ASAP2: variants seen among roughly 807,000 people sequenced by gnomAD.
ASAP2 encodes ArfGAP with SH3 domain, ankyrin repeat and PH domain 2, also known as arf-GAP with SH3 domain, ANK repeat and PH domain-containing protein 2.
Under a neutral mutation model 131.4 loss-of-function variants are expected in ASAP2, and 45 were observed. That is an observed-to-expected ratio of 0.34 (90% CI 0.27 to 0.44). The LOEUF (loss-of-function observed/expected upper bound fraction) is 0.44. ASAP2 is among the 20% of genes least tolerant of loss of function. The pLI is 1.00. For missense variants in ASAP2, 1,011 were observed against 1,297.0 expected (o/e 0.78, Z 3.39); for synonymous variants, 510 against 503.0 (o/e 1.01, Z -0.19).
intron 16 of ASAP2, among the ~76,000 whole-genome samples, chr2:9,369,468 C>T (rs113681351): frequency 1.3e-3 from 202 of 152,248 alleles, no homozygotes; most frequent in Non-Finnish European, 2.2e-3. Flanking sequence ...GTGTCCGGCT[C>T]GCCTTAGACT....
At chr2:9,395,610 T>C (rs1372409186) in intron 24 of ASAP2, among the ~76,000 whole-genome samples, 14 of 103,302 alleles carry the variant, frequency 1.4e-4, no homozygotes, top group Middle Eastern at 4.3e-3. Context: ...TTTTTTTTTT[T>C]TTTTTTTTTT....
At chr2:9,335,045 C>T in intron 8 of ASAP2, 48 bp from the exon 9 acceptor site, 1 of 1,576,374 alleles carries the variant, frequency 6.3e-7, no homozygotes. Flanking sequence ...CACTGTACCT[C>T]AGTCTTAATT....
intron 1 of ASAP2, among the ~76,000 whole-genome samples, chr2:9,239,360 T>C (rs2148065536): frequency 6.6e-6 from 1 of 152,344 alleles, no homozygotes; most frequent in African/African-American, 2.4e-5. Context: ...AGCTAGGCTG[T>C]GTAGTCACTC....
intron 14 of ASAP2, 100 bp downstream of exon 14, chr2:9,356,445 G>A (rs1672709348): frequency 3.0e-6 from 4 of 1,318,816 alleles, no homozygotes; most frequent in South Asian, 3.1e-5. Context: ...TTTCAAACAC[G>A]AAATTAAGTG....
At chr2:9,394,159 CTTTTT>C (rs71389241) in intron 24 of ASAP2, among the ~76,000 whole-genome samples, 1 of 81,738 alleles carries the variant, frequency 1.2e-5, no homozygotes, top group Non-Finnish European at 2.3e-5. Context: ...TAGTTTGTGG[CTTTTT>C]TTTTTTTTTT....
rs776960593 is a variant in ASAP2 at position 9,388,461 on chromosome 2, C to T, written c.2298C>T (p.Leu766=). 9.3e-6 allele frequency: 15 copies of T among 1,614,148 alleles called. No homozygotes were observed. The highest frequency in any genetic ancestry group is 1.3e-5 in the Non-Finnish European group (15 of 1,180,022). Reference sequence around the variant, plus strand: ...TGCAGAATGAGACTTACGGAGCCCTCCTGAGTGGCAGCCCACCTCCCGCCC... The same window carrying T: ...TGCAGAATGAGACTTACGGAGCCCTTCTGAGTGGCAGCCCACCTCCCGCCC... The part of the protein sequence containing the change: ...SILQNETYGA[L]LSGSPPPAQP... Residue 766 remains leucine, a synonymous_variant, in exon 22 of 28, where the codon CTC becomes CTT. Coordinates refer to ENST00000281419, the MANE Select transcript of ASAP2 (RefSeq NM_003887.3).
chr2:9,328,346 G>T (rs1670608848), intron 7 of ASAP2, among the ~76,000 whole-genome samples: 1 of 151,808 alleles, frequency 6.6e-6, no homozygotes, highest in African/African-American at 2.4e-5. Context: ...TATGGCTTAG[G>T]GATTATATCT....
intron 9 of ASAP2, 79 bp from the exon 10 acceptor site, chr2:9,344,453 A>C: frequency 5.8e-6 from 7 of 1,215,560 alleles, no homozygotes; most frequent in Non-Finnish European, 7.1e-6. Context: ...CACATTAGGC[A>C]TAAGTTTCCT....
At chr2:9,325,186 CAT>C (rs964556641) in intron 6 of ASAP2, among the ~76,000 whole-genome samples, 2 of 152,094 alleles carry the variant, frequency 1.3e-5, no homozygotes, top group Non-Finnish European at 2.9e-5. Context: ...AAACACATAT[CAT>C]GTGTAGTGTA....
intron 8 of ASAP2, 67 bp from the exon 9 acceptor site, chr2:9,335,026 C>T: frequency 1.3e-6 from 2 of 1,525,602 alleles, no homozygotes; most frequent in Non-Finnish European, 1.8e-6. Context: ...CCCATGAGCA[C>T]CAACGTTTCA....
intron 26 of ASAP2, among the ~76,000 whole-genome samples, 186 bp downstream of exon 26, chr2:9,401,016 A>G (rs1393980363): frequency 6.6e-6 from 1 of 151,942 alleles, no homozygotes; most frequent in East Asian, 1.9e-4. Flanking sequence ...GCAGCTCCAC[A>G]ATGGGCCCAC....
At chr2:9,278,143 T>C (rs1046156624) in intron 1 of ASAP2, among the ~76,000 whole-genome samples, 5 of 152,170 alleles carry the variant, frequency 3.3e-5, no homozygotes, top group African/African-American at 1.2e-4. Context: ...TCATTTAGTT[T>C]TCATAGGATA....
chr2:9,223,573 G>A (rs1423390057), intron 1 of ASAP2, among the ~76,000 whole-genome samples: 5 of 152,160 alleles, frequency 3.3e-5, no homozygotes, highest in Non-Finnish European at 5.9e-5. Flanking sequence ...AAAGGAAAAT[G>A]TACTATTAGC....
chr2:9,360,468 TG>T (rs1673005505), intron 15 of ASAP2, among the ~76,000 whole-genome samples: 1 of 152,176 alleles, frequency 6.6e-6, no homozygotes, highest in Non-Finnish European at 1.5e-5. Flanking sequence ...GGCATTTTAG[TG>T]GGTTGTCTTG....
chr2:9,381,307 C>T (rs920849419), intron 20 of ASAP2, among the ~76,000 whole-genome samples: 1 of 152,228 alleles, frequency 6.6e-6, no homozygotes, highest in Non-Finnish European at 1.5e-5. Flanking sequence ...CGGGGGCTCC[C>T]CAGCTTGGCT....
intron 20 of ASAP2, among the ~76,000 whole-genome samples, chr2:9,381,130 C>T (rs1336730527): frequency 2.0e-5 from 3 of 152,206 alleles, no homozygotes; most frequent in Admixed American, 6.5e-5. Flanking sequence ...CTCTGGCCTC[C>T]GTAAGCTGTT....
intron 3 of ASAP2, among the ~76,000 whole-genome samples, chr2:9,299,848 C>T (rs1488420095): frequency 2.0e-5 from 3 of 152,218 alleles, no homozygotes; most frequent in South Asian, 2.1e-4. Context: ...CACAGGATAG[C>T]TTACTTAATT....
At chr2:9,402,880 C>T (rs184405638) in intron 27 of ASAP2, among the ~76,000 whole-genome samples, 27 of 152,298 alleles carry the variant, frequency 1.8e-4, no homozygotes, top group Middle Eastern at 3.4e-3. Flanking sequence ...CTTTAGGTGA[C>T]GTTGCAGCTC....
chr2:9,356,837 C>A (rs41264167), intron 14 of ASAP2, among the ~76,000 whole-genome samples: 2 of 152,222 alleles, frequency 1.3e-5, no homozygotes, highest in Non-Finnish European at 2.9e-5. Flanking sequence ...GGGACAGGAC[C>A]CTTTCAGCTG....
Sources: gnomAD v4.1 joint callset for allele counts (sites outside exome capture counted in the v4.1 genomes callset) on GRCh38, gnomAD v4.1.1 for gene constraint, MANE v1.5 for transcripts, NCBI Gene and HGNC (gene_info 2026-07-23, HGNC 2026-07-21) for gene names.